Variants in ACOXL observed in about 807,000 individuals in gnomAD.
The protein encoded by ACOXL is acyl-coenzyme A oxidase-like protein.
ACOXL carries 70 observed loss-of-function variants against 71.9 expected under a neutral mutation model. The ratio of observed to expected loss-of-function variants is 0.97; its 90% CI spans 0.80 to 1.19. The LOEUF (loss-of-function observed/expected upper bound fraction) is 1.19. Among genes scored for constraint, ACOXL ranks in the 50% most tolerant of loss-of-function variants. ACOXL has a pLI of 0.00. For missense variants in ACOXL, 703 were observed against 736.3 expected (o/e 0.95, Z 0.52); for synonymous variants, 253 against 281.6 (o/e 0.90, Z 1.02).
chr2:110,928,488 AT>A (rs1412757399), intron 11 of ACOXL, among the ~76,000 whole-genome samples: 2 of 152,256 alleles, frequency 1.3e-5, no homozygotes, highest in African/African-American at 4.8e-5. Context: ...CACCTTAGAC[AT>A]TACTCATCCC....
chr2:110,840,592 G>A (rs1388155143), intron 9 of ACOXL, among the ~76,000 whole-genome samples: 1 of 152,138 alleles, frequency 6.6e-6, no homozygotes, highest in Non-Finnish European at 1.5e-5. Flanking sequence ...TGACTGGCTG[G>A]CCTGACCCTT....
chr2:110,837,900 C>A (rs1277769733), intron 9 of ACOXL, among the ~76,000 whole-genome samples: 1 of 152,216 alleles, frequency 6.6e-6, no homozygotes, highest in Non-Finnish European at 1.5e-5. Context: ...ATCCCTCTGA[C>A]CTCCGTGTCC....
At chr2:110,859,481 A>G (rs550846981) in intron 10 of ACOXL, among the ~76,000 whole-genome samples, 1 of 152,212 alleles carries the variant, frequency 6.6e-6, no homozygotes, top group African/African-American at 2.4e-5. Context: ...TCAGAACACT[A>G]TGAAAGGGAG....
chr2:110,798,742 A>T lies in ACOXL; in HGVS notation c.460+18A>T, dbSNP rs760345969. ...ATCTCAAGGTTTGTTACCAATACAGACAACTAGAATAATTCTCTTCATTAG... is the reference window on the plus strand; with the variant it reads ...ATCTCAAGGTTTGTTACCAATACAGTCAACTAGAATAATTCTCTTCATTAG... On this transcript the variant is annotated intron_variant, in intron 6 of 17. Transcript: ENST00000439055. 21 of 1,599,614 alleles carry T rather than the reference A, an allele frequency of 1.3e-5. No homozygotes were observed. In the Admixed American group the frequency reaches 1.8e-4, roughly 14 times the overall value.
intron 15 of ACOXL, among the ~76,000 whole-genome samples, chr2:111,046,118 C>T (rs1217676132): frequency 6.6e-6 from 1 of 152,222 alleles, no homozygotes; most frequent in African/African-American, 2.4e-5. Context: ...GAACAGGGAA[C>T]AGGGGAGACT....
intron 11 of ACOXL, among the ~76,000 whole-genome samples, chr2:110,917,286 G>A (rs1574111551): frequency 6.6e-6 from 1 of 152,106 alleles, no homozygotes; most frequent in African/African-American, 2.4e-5. Context: ...CACATAAACC[G>A]AACCAATGAC....
intron 12 of ACOXL, among the ~76,000 whole-genome samples, chr2:110,959,746 G>T (rs1574287522): frequency 6.6e-6 from 1 of 152,092 alleles, no homozygotes; most frequent in South Asian, 2.1e-4. Flanking sequence ...AGCACCCCAG[G>T]CTATAGAAGC....
intron 1 of ACOXL, among the ~76,000 whole-genome samples, chr2:110,750,597 TTATACATATTATATATAAACA>T (rs1284825559): frequency 6.7e-6 from 1 of 148,686 alleles, no homozygotes; most frequent in Admixed American, 6.7e-5. Context: ...ACATTACATA[TTATACATATTATATATAAACA>T]TATACATATT....
At chr2:110,767,325 G>A (rs901402778) in intron 1 of ACOXL, among the ~76,000 whole-genome samples, 4 of 152,322 alleles carry the variant, frequency 2.6e-5, no homozygotes, top group East Asian at 1.9e-4. Context: ...CCTGAGAAGC[G>A]TAAGTGGGAG....
chr2:111,117,630 C>G lies in ACOXL; in HGVS notation c.1557C>G (p.Cys519Trp), dbSNP rs1177789704. The change falls in exon 18 of 18, where the codon TGC becomes TGG. Residue 519 changes from cysteine to tryptophan, a missense_variant. Coordinates refer to ENST00000439055, the MANE Select transcript of ACOXL (RefSeq NM_001142807.4). ...GTGTTTTGCAGTTGCTGGATTTGTG[C>G]GACTCGGTGAAGGATGATGCCCGGA... Reference protein sequence around the residue: ...TRIRNQLLDLCDSVKDDARRV... With the variant: ...TRIRNQLLDLWDSVKDDARRV... 2 of 1,551,748 alleles carry G rather than the reference C, an allele frequency of 1.3e-6. No individual in the cohort carries two copies. The highest frequency in any genetic ancestry group is 1.7e-6 in the Non-Finnish European group (2 of 1,147,006).
In ACOXL at chr2:111,117,636, G is replaced by C; in HGVS notation, c.1563G>C (p.Ser521=). 6.4e-7 allele frequency: 1 copy of C among 1,551,754 alleles called. No homozygotes were observed. Reference sequence around the variant, plus strand: ...TGCAGTTGCTGGATTTGTGCGACTCGGTGAAGGATGATGCCCGGAGGGTGA... The same window carrying C: ...TGCAGTTGCTGGATTTGTGCGACTCCGTGAAGGATGATGCCCGGAGGGTGA... ...IRNQLLDLCD[S]VKDDARRVIS... The change falls in exon 18 of 18, where the codon TCG becomes TCC. Residue 521 remains serine (S), a synonymous_variant. Transcript: ENST00000439055.
chr2:110,940,973 T>C (rs923005072), intron 12 of ACOXL, among the ~76,000 whole-genome samples: 1 of 152,250 alleles, frequency 6.6e-6, no homozygotes, highest in African/African-American at 2.4e-5. Flanking sequence ...TTTCAAACTA[T>C]CTTTACCTTT....
intron 10 of ACOXL, among the ~76,000 whole-genome samples, chr2:110,845,758 C>T (rs193038031): frequency 6.6e-6 from 1 of 152,202 alleles, no homozygotes. Flanking sequence ...TAGAATGTAC[C>T]AGAATTTCAT....
chr2:111,047,997 A>G (rs989455396), intron 15 of ACOXL, among the ~76,000 whole-genome samples: 2 of 152,256 alleles, frequency 1.3e-5, no homozygotes, highest in Non-Finnish European at 2.9e-5. Context: ...GAAAACTACA[A>G]ACAACCTACC....
chr2:111,013,244 G>A (rs971863129), intron 14 of ACOXL, among the ~76,000 whole-genome samples: 21 of 152,202 alleles, frequency 1.4e-4, no homozygotes, highest in African/African-American at 4.8e-4. Flanking sequence ...AAAAATGGGG[G>A]CCAGGTGCGG....
intron 1 of ACOXL, among the ~76,000 whole-genome samples, chr2:110,763,938 A>C (rs1234850097): frequency 1.3e-5 from 2 of 152,228 alleles, no homozygotes; most frequent in Non-Finnish European, 2.9e-5. Context: ...TGAGCATATT[A>C]AAAATGCTCA....
At chr2:110,862,528 G>A (rs550900900) in intron 10 of ACOXL, among the ~76,000 whole-genome samples, 1 of 152,176 alleles carries the variant, frequency 6.6e-6, no homozygotes, top group Non-Finnish European at 1.5e-5. Context: ...GGCCTCTTTG[G>A]TGCTGCTTGT....
intron 3 of ACOXL, among the ~76,000 whole-genome samples, chr2:110,785,886 C>A (rs1436160863): frequency 6.6e-6 from 1 of 152,238 alleles, no homozygotes; most frequent in Non-Finnish European, 1.5e-5. Flanking sequence ...TTCCCACCAA[C>A]AGCATGTAAT....
intron 16 of ACOXL, among the ~76,000 whole-genome samples, chr2:111,085,986 A>T (rs528888333): frequency 7.2e-5 from 11 of 152,168 alleles, no homozygotes; most frequent in Non-Finnish European, 1.3e-4. Flanking sequence ...AAGTTCCTGG[A>T]CACACACATC....
Sources: allele counts gnomAD v4.1 joint callset (sites outside exome capture counted in the v4.1 genomes callset), GRCh38; gene constraint gnomAD v4.1.1; transcripts MANE v1.5; gene names NCBI Gene and HGNC (gene_info 2026-07-23, HGNC 2026-07-21).